Variants in ZNF175 observed in about 807,000 individuals in gnomAD.
ZNF175 encodes the protein zinc finger protein OTK18.
In ZNF175, 8 loss-of-function variants were observed where a neutral mutation model predicts 14.0. That is an observed-to-expected ratio of 0.57 (90% confidence interval 0.34 to 1.03). ZNF175 has a LOEUF of 1.03. Ranked by LOEUF, ZNF175 falls within the 50% of genes least tolerant of loss-of-function variation. The pLI is 0.03. For missense variants in ZNF175, 764 were observed against 849.5 expected (o/e 0.90, Z 1.25); for synonymous variants, 255 against 296.8 (o/e 0.86, Z 1.45).
intron 2 of ZNF175, among the ~76,000 whole-genome samples, chr19:51,579,335 C>T (rs1285734119): frequency 6.6e-6 from 1 of 151,378 alleles, no homozygotes; most frequent in African/African-American, 2.4e-5. Context: ...GCAGGAGGAT[C>T]GCTTGAGTCT....
chr19:51,579,489 G>C (rs144774702), intron 2 of ZNF175, among the ~76,000 whole-genome samples: 253 of 152,084 alleles, frequency 1.7e-3, no homozygotes, highest in Middle Eastern at 3.4e-3. Flanking sequence ...GAAGAGACTT[G>C]CTTGAATAGG....
intron 1 of ZNF175, among the ~76,000 whole-genome samples, chr19:51,572,343 C>T (rs1348671231): frequency 1.3e-5 from 2 of 152,090 alleles, no homozygotes; most frequent in African/African-American, 2.4e-5. Flanking sequence ...GCGGTGGGGG[C>T]AACTTATTGT....
intron 2 of ZNF175, 29 bp downstream of exon 2, chr19:51,573,430 C>A: frequency 6.2e-7 from 1 of 1,610,646 alleles, no homozygotes; most frequent in African/African-American, 1.3e-5. Flanking sequence ...GGGGATAGTT[C>A]TCCAGAACGT....
At chr19:51,577,277 A>G (rs144846445) in intron 2 of ZNF175, among the ~76,000 whole-genome samples, 63 of 152,306 alleles carry the variant, frequency 4.1e-4, no homozygotes, top group African/African-American at 1.3e-3. Flanking sequence ...AAAACACCCC[A>G]TATACTACTT....
chr19:51,591,431 T>G lies in ZNF175; in HGVS notation c.*2964T>G, dbSNP rs1407471421. On this transcript the variant is annotated 3_prime_UTR_variant, in exon 5 of 5. Coordinates refer to ENST00000262259, the MANE Select transcript of ZNF175 (RefSeq NM_007147.4). The stretch of plus-strand genomic sequence containing the variant: ...ACATGAGGGCATGCTCACAGATCTG[T>G]GAAAAGATCTGTTGGCTCAGAGAAC... 6.6e-6 allele frequency: 1 copy of G among 152,184 alleles called. No homozygotes were observed. Among genetic ancestry groups the G allele is most frequent in the Non-Finnish European group, 1.5e-5 (1 of 68,052 alleles). The allele number at this position is 152,184 out of a possible 1,614,324, so 9.4% of individuals were successfully genotyped here. A position where few individuals can be genotyped will look rare whatever the true frequency, so the allele number is the denominator to read the frequency against.
At position 51,587,401 on chromosome 19, in the gene ZNF175, A is replaced by G. The variant is rs1982203548; in HGVS notation, c.1070A>G (p.His357Arg). 6.2e-7 allele frequency: 1 copy of G among 1,614,078 alleles called. No homozygotes were observed. Among genetic ancestry groups the G allele is most frequent in the Admixed American group, 1.7e-5 (1 of 59,988 alleles). ...RSELLTHQKTHTRKKPYKCHD... is the reference protein window; with the variant it reads ...RSELLTHQKTRTRKKPYKCHD... ...GAATTGCTTACGCACCAGAAAACAC[A>G]CACTAGAAAGAAGCCCTATAAATGC... Residue 357 changes from histidine to arginine, a missense_variant, in exon 5 of 5, where the codon CAC becomes CGC. By Grantham distance (29) the His-to-Arg change is conservative. Transcript: ENST00000262259.
intron 2 of ZNF175, among the ~76,000 whole-genome samples, chr19:51,579,946 G>A (rs892480541): frequency 1.3e-5 from 2 of 151,812 alleles, no homozygotes; most frequent in Non-Finnish European, 2.9e-5. Context: ...ATCTCATCTC[G>A]ATGATTTTTA....
chr19:51,588,804 G>A lies in ZNF175; in HGVS notation c.*337G>A, dbSNP rs1982262830. On this transcript the variant is annotated 3_prime_UTR_variant, in exon 5 of 5. Transcript: ENST00000262259. ...ACAGGTTGTTACTCGATTATTTATA[G>A]TAAAATATGTGGGAAATTATATCAA... 1 of 405,130 alleles carries A rather than the reference G, an allele frequency of 2.5e-6. No homozygotes were observed. The highest frequency in any genetic ancestry group is 1.1e-4 in the South Asian group (1 of 8,752). The allele number at this position is 405,130 out of a possible 1,614,324, so 25.1% of individuals were successfully genotyped here. A position where few individuals can be genotyped will look rare whatever the true frequency, so the allele number is the denominator to read the frequency against.
intron 2 of ZNF175, chr19:51,574,116 C>T (rs1981691089): frequency 6.6e-6 from 1 of 152,114 alleles, no homozygotes; most frequent in Admixed American, 6.5e-5. Flanking sequence ...AAACAGTGTA[C>T]CATTGTTCTG....
intron 2 of ZNF175, 106 bp from the exon 3 acceptor site, chr19:51,581,285 T>C (rs1456897440): frequency 1.3e-6 from 2 of 1,532,766 alleles, no homozygotes; most frequent in Non-Finnish European, 1.8e-6. Flanking sequence ...GAAGCCTCTG[T>C]GATGGATCGT....
At position 51,587,752 on chromosome 19, in the gene ZNF175, C is replaced by T. The variant is rs1200634433; in HGVS notation, c.1421C>T (p.Pro474Leu). The change falls in exon 5 of 5, where the codon CCT becomes CTT. Residue 474 changes from proline (P) to leucine (L), a missense_variant. Transcript: ENST00000262259. ...VHQRSHTGEK[P>L]YQCHNCGKSF... ...CAAAGAAGCCACACAGGAGAAAAAC[C>T]TTATCAGTGCCACAACTGTGGGAAA... 4 of 1,614,152 alleles carry T rather than the reference C, an allele frequency of 2.5e-6. No individual in the cohort carries two copies. In the South Asian group the frequency reaches 3.3e-5, roughly 13 times the overall value.
At chr19:51,575,171 A>G (rs1401919905) in intron 2 of ZNF175, among the ~76,000 whole-genome samples, 1 of 89,700 alleles carries the variant, frequency 1.1e-5, no homozygotes, top group African/African-American at 4.2e-5. Flanking sequence ...CTTTTGATTT[A>G]TATTTTGGTT....
chr19:51,586,437 C>T (rs775696832), intron 4 of ZNF175, among the ~76,000 whole-genome samples, 190 bp from the exon 5 acceptor site: 2 of 152,232 alleles, frequency 1.3e-5, no homozygotes, highest in Non-Finnish European at 2.9e-5. Flanking sequence ...CTGCCTGGCA[C>T]ATGCTAAGTG....
rs1238288765 is a variant in ZNF175 at position 51,590,708 on chromosome 19, C to A, written c.*2241C>A. On this transcript the variant is annotated 3_prime_UTR_variant, in exon 5 of 5. Coordinates refer to ENST00000262259, the MANE Select transcript of ZNF175 (RefSeq NM_007147.4). ...GCGTAGTATCAGTGACCATGTCCCACCTCCTGAGAAAGGTGGAAGAGTCTC... is the reference window on the plus strand; with the variant it reads ...GCGTAGTATCAGTGACCATGTCCCAACTCCTGAGAAAGGTGGAAGAGTCTC... 1 of 152,334 alleles carries A rather than the reference C, an allele frequency of 6.6e-6. No individual in the cohort carries two copies. The highest frequency in any genetic ancestry group is 2.4e-5 in the African/African-American group (1 of 41,380). The allele number at this position is 152,334 out of a possible 1,614,324, so 9.4% of individuals were successfully genotyped here.
At position 51,590,051 on chromosome 19, in the gene ZNF175, C is replaced by G. The variant is rs1982306465; in HGVS notation, c.*1584C>G. On this transcript the variant is annotated 3_prime_UTR_variant, in exon 5 of 5. Coordinates refer to ENST00000262259, the MANE Select transcript of ZNF175 (RefSeq NM_007147.4). ...CGTGTATTCTATGAGGTTGACCTGC[C>G]ATAATTTATTTAGCCATTCCCACAG... 1.3e-5 allele frequency: 2 copies of G among 154,718 alleles called. No individual in the cohort carries two copies. The highest frequency in any genetic ancestry group is 1.3e-4 in the Admixed American group (2 of 15,468). 9.6% of individuals were successfully genotyped at this position (154,718 alleles called of 1,614,324 possible).
rs763297003 is a variant in ZNF175 at position 51,589,567 on chromosome 19, C to T, written c.*1100C>T. The T allele has an allele frequency of 1.4e-6, 1 of 702,208 alleles. No individual in the cohort carries two copies. The highest frequency in any genetic ancestry group is 2.3e-4 in the Middle Eastern group (1 of 4,364). 43.5% of individuals were successfully genotyped at this position (702,208 alleles called of 1,614,324 possible). Reference sequence around the variant, plus strand: ...TTTTAGGATTAGCTCAGCTTGCCCCCCCTTTCCATCTCCACCATCTATAGT... The same window carrying T: ...TTTTAGGATTAGCTCAGCTTGCCCCTCCTTTCCATCTCCACCATCTATAGT... On this transcript the variant is annotated 3_prime_UTR_variant, in exon 5 of 5. Transcript: ENST00000262259.
At chr19:51,573,830 C>T in intron 2 of ZNF175, 1 of 242,812 alleles carries the variant, frequency 4.1e-6, no homozygotes. Flanking sequence ...AAATCTCCTT[C>T]CTTTGTAATT....
intron 2 of ZNF175, 70 bp downstream of exon 2, chr19:51,573,471 G>A (rs563127210): frequency 2.0e-6 from 3 of 1,464,890 alleles, no homozygotes; most frequent in East Asian, 4.6e-5. Context: ...GCAGGTCTGG[G>A]CTCCCTGCTC....
At chr19:51,584,713 G>A (rs1982113344) in intron 4 of ZNF175, among the ~76,000 whole-genome samples, 1 of 152,100 alleles carries the variant, frequency 6.6e-6, no homozygotes, top group South Asian at 2.1e-4. Context: ...TGATATACAA[G>A]TGGCCAATAA....
Sources: gnomAD v4.1 joint callset for allele counts (sites outside exome capture counted in the v4.1 genomes callset) on GRCh38, gnomAD v4.1.1 for gene constraint, MANE v1.5 for transcripts, NCBI Gene and HGNC (gene_info 2026-07-23, HGNC 2026-07-21) for gene names.